MCU: variants seen among roughly 807,000 people sequenced by gnomAD.
MCU encodes the protein calcium uniporter protein, mitochondrial.
In MCU, 12 loss-of-function variants were observed where a neutral mutation model predicts 45.2. The observed-to-expected ratio is 0.27, with a 90% CI of 0.17 to 0.43. The LOEUF (loss-of-function observed/expected upper bound fraction) is 0.43, where lower values mean the gene tolerates loss of function less well. Among genes scored for constraint, MCU ranks in the 20% least tolerant of loss-of-function variants. MCU has a pLI of 1.00. For missense variants in MCU, 324 were observed against 436.7 expected, an observed-to-expected ratio of 0.74 and a Z score of 2.30; for synonymous variants, 160 against 165.1, an observed-to-expected ratio of 0.97 and a Z score of 0.24.
chr10:72,770,893 A>G (rs1210440946), intron 1 of MCU, among the ~76,000 whole-genome samples: 2 of 152,120 alleles, frequency 1.3e-5, no homozygotes, highest in Non-Finnish European at 2.9e-5. Context: ...CCTTTACTGG[A>G]ACTCTTCGTT....
intron 1 of MCU, among the ~76,000 whole-genome samples, chr10:72,829,141 T>G (rs1025384316): frequency 6.6e-6 from 1 of 152,046 alleles, no homozygotes; most frequent in Non-Finnish European, 1.5e-5. Flanking sequence ...GCCAACATGG[T>G]GAAACCCTGT....
intron 1 of MCU, among the ~76,000 whole-genome samples, chr10:72,824,031 G>A (rs898551690): frequency 6.6e-6 from 1 of 152,074 alleles, no homozygotes; most frequent in African/African-American, 2.4e-5. Context: ...AGCCTTGATG[G>A]CAGAGTGAGA....
chr10:72,886,320 C>A lies in MCU; in HGVS notation c.*498C>A, dbSNP rs535404699. On this transcript the variant is annotated 3_prime_UTR_variant, in exon 8 of 8. Transcript: ENST00000373053. ...ATTGGACCCAGTCTCTGCAGAGTTACCAGGAATCTTTCCTTCCAGCATCCC... is the reference window on the plus strand; with the variant it reads ...ATTGGACCCAGTCTCTGCAGAGTTAACAGGAATCTTTCCTTCCAGCATCCC... 1.3e-5 allele frequency: 2 copies of A among 153,376 alleles called. No individual in the cohort carries two copies. The highest frequency in any genetic ancestry group is 1.9e-4 in the East Asian group (1 of 5,342). The allele number at this position is 153,376 out of a possible 1,614,324, so 9.5% of individuals were successfully genotyped here.
In MCU at chr10:72,856,768, T is replaced by TAA. The variant is rs1204072398; in HGVS notation, c.221-2384_221-2383dup. Among the ~76,000 whole-genome samples the TAA allele has an allele frequency of 7.2e-4, 47 of 64,970 alleles. 2 individuals carry two copies. Among genetic ancestry groups the TAA allele is most frequent in the Middle Eastern group, 0.018 (2 of 114 alleles). 42.6% of individuals were successfully genotyped at this position (64,970 alleles called of 152,430 possible). A position where few individuals can be genotyped will look rare whatever the true frequency, so the allele number is the denominator to read the frequency against. On this transcript the variant is annotated intron_variant, in intron 2 of 7. Coordinates refer to ENST00000373053, the MANE Select transcript of MCU (RefSeq NM_138357.3). ...GGGCAACGTGGTGAAACCCTGTCTC[T>TAA]AAAAAAAAAAAAAAAAAAAAAAAAA...
intron 1 of MCU, among the ~76,000 whole-genome samples, chr10:72,793,984 T>C (rs1024471619): frequency 7.2e-5 from 11 of 152,300 alleles, no homozygotes; most frequent in African/African-American, 1.4e-4. Flanking sequence ...CCCTCACATA[T>C]GCAAATTACA....
chr10:72,703,449 C>G (rs1448140135), intron 1 of MCU, among the ~76,000 whole-genome samples: 1 of 152,230 alleles, frequency 6.6e-6, no homozygotes, highest in East Asian at 1.9e-4. Flanking sequence ...CTCTTAACCA[C>G]TGTTTCTGTG....
chr10:72,719,752 C>T (rs531107565), intron 1 of MCU, among the ~76,000 whole-genome samples: 1 of 152,194 alleles, frequency 6.6e-6, no homozygotes, highest in Non-Finnish European at 1.5e-5. Flanking sequence ...TACAAACATA[C>T]AATTATATTC....
intron 1 of MCU, among the ~76,000 whole-genome samples, chr10:72,758,382 G>A (rs1843607696): frequency 6.6e-6 from 1 of 152,160 alleles, no homozygotes; most frequent in South Asian, 2.1e-4. Flanking sequence ...ATTTTGGGGT[G>A]ACATATTCTG....
intron 1 of MCU, among the ~76,000 whole-genome samples, chr10:72,759,292 T>C (rs1207077638): frequency 2.0e-5 from 3 of 152,050 alleles, no homozygotes. Flanking sequence ...GGTACATGAC[T>C]GGGGGCTGCA....
intron 2 of MCU, among the ~76,000 whole-genome samples, chr10:72,836,723 T>A: frequency 6.6e-6 from 1 of 152,194 alleles, no homozygotes. Context: ...TTAAGAAAAC[T>A]AATTCATATT....
rs186570710 is a variant in MCU at position 72,810,788 on chromosome 10, C to G, written c.151-23571C>G. Among the ~76,000 whole-genome samples the G allele has an allele frequency of 4.2e-4, 64 of 152,190 alleles. 1 individual carries two copies. The highest frequency in any genetic ancestry group is 1.4e-3 in the African/African-American group (60 of 41,520). ...GGGATTACAGGTGTGAGCCACTGCG[C>G]CTGGTCTGTGTTGCCTTTTTCTCAT... On this transcript the variant is annotated intron_variant, in intron 1 of 7. Transcript: ENST00000373053.
chr10:72,867,011 T>C (rs1241087016), intron 4 of MCU, among the ~76,000 whole-genome samples: 1 of 150,392 alleles, frequency 6.6e-6, no homozygotes, highest in Admixed American at 6.7e-5. Flanking sequence ...CTCAAAGTGC[T>C]CTTGCTTTTA....
chr10:72,872,810 A>G (rs935571980), intron 6 of MCU, among the ~76,000 whole-genome samples: 1 of 151,828 alleles, frequency 6.6e-6, no homozygotes, highest in Non-Finnish European at 1.5e-5. Flanking sequence ...TGATTGTATG[A>G]TATTTCTATT....
At chr10:72,861,819 C>A in intron 4 of MCU, 1 of 294,270 alleles carries the variant, frequency 3.4e-6, no homozygotes, top group South Asian at 2.7e-5. Context: ...TTTTTATGTA[C>A]TATTTTAAAA....
intron 1 of MCU, among the ~76,000 whole-genome samples, chr10:72,818,697 C>T (rs1023911820): frequency 4.6e-5 from 7 of 151,930 alleles, no homozygotes; most frequent in Non-Finnish European, 5.9e-5. Flanking sequence ...AAAAATTAGC[C>T]GGGCGTGGTG....
chr10:72,764,836 T>C (rs1051974847), intron 1 of MCU, among the ~76,000 whole-genome samples: 4 of 152,158 alleles, frequency 2.6e-5, no homozygotes, highest in African/African-American at 9.7e-5. Flanking sequence ...TGAATTTCTA[T>C]AGCACAAGTT....
At chr10:72,829,613 T>TA (rs35278093) in intron 1 of MCU, among the ~76,000 whole-genome samples, 138 of 142,940 alleles carry the variant, frequency 9.7e-4, no homozygotes, top group African/African-American at 2.7e-3. Context: ...AAGTAAAGGG[T>TA]AAAAAAAAAA....
At chr10:72,694,809 C>T (rs1408284005) in intron 1 of MCU, among the ~76,000 whole-genome samples, 1 of 152,208 alleles carries the variant, frequency 6.6e-6, no homozygotes, top group Non-Finnish European at 1.5e-5. Flanking sequence ...AGAAATTCAT[C>T]TTTTCCAAGT....
intron 1 of MCU, among the ~76,000 whole-genome samples, chr10:72,746,535 G>A (rs1244498480): frequency 6.6e-6 from 1 of 152,182 alleles, no homozygotes; most frequent in Admixed American, 6.5e-5. Flanking sequence ...ATCCTAAGCA[G>A]CAAGCCCAAG....
Sources: allele counts gnomAD v4.1 joint callset (sites outside exome capture counted in the v4.1 genomes callset), GRCh38; gene constraint gnomAD v4.1.1; transcripts MANE v1.5; gene names NCBI Gene and HGNC (gene_info 2026-07-23, HGNC 2026-07-21).